Variants in PDGFC observed in about 807,000 individuals in gnomAD.
The protein encoded by PDGFC is platelet derived growth factor C, also known as platelet-derived growth factor C.
A neutral mutation model predicts 35.5 loss-of-function variants in PDGFC; 12 were observed. The observed-to-expected ratio is 0.34, with a 90% CI of 0.22 to 0.55. The LOEUF is 0.55. PDGFC is among the 20% of genes least tolerant of loss of function. The pLI is 0.91. For missense variants in PDGFC, 322 were observed against 412.4 expected, an observed-to-expected ratio of 0.78 and a Z score of 1.90; for synonymous variants, 159 against 148.8, an observed-to-expected ratio of 1.07 and a Z score of -0.50.
intron 1 of PDGFC, among the ~76,000 whole-genome samples, chr4:156,867,730 G>A (rs985054265): frequency 6.6e-6 from 1 of 152,046 alleles, no homozygotes; most frequent in African/African-American, 2.4e-5. Context: ...ATACCACTAG[G>A]TTTCATACTG....
intron 1 of PDGFC, among the ~76,000 whole-genome samples, chr4:156,933,873 T>C (rs1731613846): frequency 6.6e-6 from 1 of 152,154 alleles, no homozygotes; most frequent in African/African-American, 2.4e-5. Context: ...TTTCACCTTT[T>C]GTTTTCTGCC....
intron 1 of PDGFC, among the ~76,000 whole-genome samples, chr4:156,935,623 C>T (rs1731660641): frequency 6.6e-6 from 1 of 152,144 alleles, no homozygotes; most frequent in Non-Finnish European, 1.5e-5. Flanking sequence ...CATGGTTATG[C>T]AGCACATGAC....
intron 2 of PDGFC, among the ~76,000 whole-genome samples, chr4:156,825,808 A>G (rs1240066559): frequency 6.6e-6 from 1 of 151,776 alleles, no homozygotes; most frequent in East Asian, 1.9e-4. Context: ...GTATAGCTGA[A>G]CAGTGTTGCC....
intron 1 of PDGFC, among the ~76,000 whole-genome samples, chr4:156,901,776 C>G (rs1434866961): frequency 2.6e-5 from 4 of 152,022 alleles, no homozygotes; most frequent in Non-Finnish European, 5.9e-5. Flanking sequence ...CCACCCTGGG[C>G]TAATTATCCC....
At chr4:156,862,436 A>G (rs1259541786) in intron 1 of PDGFC, among the ~76,000 whole-genome samples, 1 of 152,194 alleles carries the variant, frequency 6.6e-6, no homozygotes, top group African/African-American at 2.4e-5. Flanking sequence ...CACTGATGAA[A>G]CTACAAAATA....
intron 3 of PDGFC, among the ~76,000 whole-genome samples, chr4:156,780,107 G>GTTTTTTTTTTTT (rs35403686): frequency 8.0e-6 from 1 of 125,026 alleles, no homozygotes; most frequent in Non-Finnish European, 1.7e-5. Flanking sequence ...CAAAATTAAG[G>GTTTTTTTTTTTT]TTTTTTTTTT....
At chr4:156,890,268 A>C (rs1197002525) in intron 1 of PDGFC, among the ~76,000 whole-genome samples, 1 of 151,940 alleles carries the variant, frequency 6.6e-6, no homozygotes, top group Non-Finnish European at 1.5e-5. Context: ...TGGCAAGCAG[A>C]ATGGCAGGGA....
chr4:156,890,823 C>A (rs1433599024), intron 1 of PDGFC, among the ~76,000 whole-genome samples: 1 of 152,054 alleles, frequency 6.6e-6, no homozygotes, highest in Non-Finnish European at 1.5e-5. Flanking sequence ...TAAAGAATAT[C>A]TTTTAAAAAG....
intron 1 of PDGFC, among the ~76,000 whole-genome samples, chr4:156,891,365 T>C (rs1024178323): frequency 7.0e-6 from 1 of 143,080 alleles, no homozygotes; most frequent in Non-Finnish European, 1.5e-5. Flanking sequence ...ACCATCTTCA[T>C]ATGTATATGC....
At chr4:156,771,941 A>T (rs1730703942) in intron 4 of PDGFC, among the ~76,000 whole-genome samples, 1 of 152,154 alleles carries the variant, frequency 6.6e-6, no homozygotes, top group East Asian at 1.9e-4. Context: ...CAATGTTACT[A>T]AAAAAATTAG....
At chr4:156,959,851 A>G (rs1350308203) in intron 1 of PDGFC, among the ~76,000 whole-genome samples, 2 of 151,988 alleles carry the variant, frequency 1.3e-5, no homozygotes, top group Non-Finnish European at 2.9e-5. Context: ...TTAGTTCTAA[A>G]AGGAAACCAT....
intron 2 of PDGFC, among the ~76,000 whole-genome samples, chr4:156,821,639 C>G (rs1383956031): frequency 1.3e-5 from 2 of 152,182 alleles, no homozygotes; most frequent in African/African-American, 4.8e-5. Flanking sequence ...TCTCTGCCTC[C>G]TGGCTTCAAG....
In PDGFC at chr4:156,971,071, T is replaced by C; in HGVS notation, c.-168A>G. The C allele has an allele frequency of 1.7e-6, 1 of 585,248 alleles. No individual in the cohort carries two copies. Among genetic ancestry groups the C allele is most frequent in the East Asian group, 2.8e-5 (1 of 36,058 alleles). The allele number at this position is 585,248 out of a possible 1,614,324, so 36.3% of individuals were successfully genotyped here. A position where few individuals can be genotyped will look rare whatever the true frequency, so the allele number is the denominator to read the frequency against. ...TTCCACATAATCCCATCCAAAACTT[T>C]TTCCTAGAGCCCTCTTCTGTGTCTC... On this transcript the variant is annotated 5_prime_UTR_variant, in exon 1 of 6. Coordinates refer to ENST00000502773, the MANE Select transcript of PDGFC (RefSeq NM_016205.3).
intron 3 of PDGFC, among the ~76,000 whole-genome samples, chr4:156,780,957 T>C (rs924338308): frequency 1.3e-5 from 2 of 152,160 alleles, no homozygotes; most frequent in African/African-American, 4.8e-5. Flanking sequence ...TGAGTGCTGG[T>C]TCCTCCTTAT....
At chr4:156,925,308 C>T (rs1731381535) in intron 1 of PDGFC, among the ~76,000 whole-genome samples, 1 of 152,022 alleles carries the variant, frequency 6.6e-6, no homozygotes, top group Non-Finnish European at 1.5e-5. Flanking sequence ...ACTCTCTGGT[C>T]AAAGTGAATA....
At chr4:156,867,253 C>A (rs1729867099) in intron 1 of PDGFC, among the ~76,000 whole-genome samples, 2 of 152,094 alleles carry the variant, frequency 1.3e-5, no homozygotes, top group Admixed American at 1.3e-4. Context: ...AGTCAACAAT[C>A]AACAAATACT....
chr4:156,873,801 G>T (rs979813608), intron 1 of PDGFC: 7 of 152,190 alleles, frequency 4.6e-5, no homozygotes, highest in Admixed American at 2.0e-4. Context: ...CACAGCATTT[G>T]CTGGAAGAAT....
At chr4:156,862,478 T>A (rs1270942375) in intron 1 of PDGFC, among the ~76,000 whole-genome samples, 1 of 152,168 alleles carries the variant, frequency 6.6e-6, no homozygotes, top group Non-Finnish European at 1.5e-5. Flanking sequence ...AGTAAACCCA[T>A]TGAATTTTAA....
chr4:156,797,012 C>T (rs577792979), intron 3 of PDGFC, among the ~76,000 whole-genome samples: 8 of 151,770 alleles, frequency 5.3e-5, no homozygotes, highest in African/African-American at 9.7e-5. Context: ...CCGAGCAGAG[C>T]GGATCATGAG....
Sources: allele counts gnomAD v4.1 joint callset (sites outside exome capture counted in the v4.1 genomes callset), GRCh38; gene constraint gnomAD v4.1.1; transcripts MANE v1.5; gene names NCBI Gene and HGNC (gene_info 2026-07-23, HGNC 2026-07-21).